EFEMP2: variants seen among roughly 807,000 people sequenced by gnomAD.
The protein encoded by EFEMP2 is EGF-like fibulin extracellular matrix protein 2, also known as EGF-containing fibulin-like extracellular matrix protein 2.
In EFEMP2, 21 loss-of-function variants were observed where a neutral mutation model predicts 55.3. The observed-to-expected ratio is 0.38, with a 90% CI of 0.27 to 0.55. The LOEUF is 0.55. Ranked by LOEUF, EFEMP2 falls within the 20% of genes least tolerant of loss-of-function variation. The pLI is 0.77. For synonymous variants in EFEMP2, 275 were observed against 242.3 expected (o/e 1.14, Z -1.25); for missense variants, 513 against 615.1 (o/e 0.83, Z 1.76).
chr11:65,871,134 GCAC>G lies in EFEMP2; in HGVS notation c.367+20_367+22del. 1 of 1,613,316 alleles carries G rather than the reference GCAC, an allele frequency of 6.2e-7. No individual in the cohort carries two copies. The highest frequency in any genetic ancestry group is 8.5e-7 in the Non-Finnish European group (1 of 1,179,586). ...GCCTGGTGAGAGGACTGGAAGCCAGGCACCAGAGCAGTCCCCACTCACCCACAC... is the reference window on the plus strand; with the variant it reads ...GCCTGGTGAGAGGACTGGAAGCCAGGCAGAGCAGTCCCCACTCACCCACAC... On this transcript the variant is annotated intron_variant, in intron 4 of 10. Transcript: ENST00000307998.
At position 65,869,891 on chromosome 11, in the gene EFEMP2, G is replaced by C. The variant is rs1296681736; in HGVS notation, c.693C>G (p.Gly231=). ...YGTFLCRCHQ[G]YELHRDGFSC... ...AGAAGCCATCCCGATGCAGCTCATA[G>C]CCCTGGTGGCAGCGACACAGGAAGG... Residue 231 remains glycine (G), a synonymous_variant, in exon 7 of 11, where the codon GGC becomes GGG. Coordinates refer to ENST00000307998, the MANE Select transcript of EFEMP2 (RefSeq NM_016938.5). 1.2e-6 allele frequency: 2 copies of C among 1,613,986 alleles called. No individual in the cohort carries two copies. Among genetic ancestry groups the C allele is most frequent in the Non-Finnish European group, 1.7e-6 (2 of 1,180,040 alleles).
chr11:65,872,518 TC>T, intron 1 of EFEMP2, 157 bp from the exon 2 acceptor site: 1 of 552,784 alleles, frequency 1.8e-6, no homozygotes. Context: ...CAGGCCCAGG[TC>T]CCAGGCCCGG....
intron 1 of EFEMP2, 25 bp downstream of exon 1, chr11:65,872,658 C>T: frequency 3.1e-6 from 1 of 319,820 alleles, no homozygotes; most frequent in Non-Finnish European, 6.0e-6. Context: ...CACGCCCTCC[C>T]CCACGGACGG....
chr11:65,868,496 C>T lies in EFEMP2; in HGVS notation c.847+14G>A, dbSNP rs765251023. The T allele has an allele frequency of 6.8e-6, 11 of 1,613,786 alleles. No individual in the cohort carries two copies. The highest frequency in any genetic ancestry group is 4.5e-5 in the East Asian group (2 of 44,900). On this transcript the variant is annotated intron_variant, in intron 8 of 10. Coordinates refer to ENST00000307998, the MANE Select transcript of EFEMP2 (RefSeq NM_016938.5). ...CTGACACCGTCCTGCCCATCCCACC[C>T]GGGCAACCTGTACCTTGGCAGAGGC...
chr11:65,869,871 C>G lies in EFEMP2; in HGVS notation c.713G>C (p.Gly238Ala). The change falls in exon 7 of 11, where the codon GGC becomes GCC. Residue 238 changes from glycine (G) to alanine (A), a missense_variant. Coordinates refer to ENST00000307998, the MANE Select transcript of EFEMP2 (RefSeq NM_016938.5). ...GGAGCTCTCACCACTGCAGGAGAAGCCATCCCGATGCAGCTCATAGCCCTG... is the reference window on the plus strand; with the variant it reads ...GGAGCTCTCACCACTGCAGGAGAAGGCATCCCGATGCAGCTCATAGCCCTG... ...CHQGYELHRDGFSCSDIDECS... is the reference protein window; with the variant it reads ...CHQGYELHRDAFSCSDIDECS... 1 of 1,614,022 alleles carries G rather than the reference C, an allele frequency of 6.2e-7. No individual in the cohort carries two copies. The highest frequency in any genetic ancestry group is 8.5e-7 in the Non-Finnish European group (1 of 1,180,008).
At chr11:65,867,714 C>A in intron 10 of EFEMP2, 147 bp downstream of exon 10, 2 of 813,850 alleles carry the variant, frequency 2.5e-6, no homozygotes, top group South Asian at 2.8e-5. Flanking sequence ...ATTTAGAGTA[C>A]CCCCGTCTTC....
Position 65,869,878 on chromosome 11 carries a change from G to A in EFEMP2, c.706C>T (p.Arg236Trp), listed in dbSNP as rs768601120. 19 of 1,613,930 alleles carry A rather than the reference G, an allele frequency of 1.2e-5. No individual in the cohort carries two copies. Among genetic ancestry groups the A allele is most frequent in the East Asian group, 6.7e-5 (3 of 44,900 alleles). ...TCACCACTGCAGGAGAAGCCATCCC[G>A]ATGCAGCTCATAGCCCTGGTGGCAG... ...CRCHQGYELH[R>W]DGFSCSDIDE... The change falls in exon 7 of 11, where the codon CGG becomes TGG. Residue 236 changes from arginine to tryptophan, a missense_variant. By Grantham distance (101) the Arg-to-Trp change is moderately radical. Transcript: ENST00000307998.
Position 65,871,359 on chromosome 11 carries a change from G to A in EFEMP2, c.165C>T (p.Val55=). 2 of 1,614,154 alleles carry A rather than the reference G, an allele frequency of 1.2e-6. No individual in the cohort carries two copies. The highest frequency in any genetic ancestry group is 1.7e-6 in the Non-Finnish European group (2 of 1,179,986). The change falls in exon 4 of 11, where the codon GTC becomes GTT. Residue 55 remains valine, a synonymous_variant. Coordinates refer to ENST00000307998, the MANE Select transcript of EFEMP2 (RefSeq NM_016938.5). ...CCTCAGGGATGGTCAGACACTCGTT[G>A]ACATCTGCAGAGAGGGGCCTGCTGG... is the stretch of plus-strand genomic sequence containing the variant. The part of the protein sequence containing the change: ...WDPDSQHCRD[V]NECLTIPEAC...
intron 5 of EFEMP2, 74 bp from the exon 6 acceptor site, chr11:65,870,311 T>C: frequency 2.0e-6 from 3 of 1,499,940 alleles, no homozygotes; most frequent in Non-Finnish European, 2.8e-6. Context: ...CGGCTGGGAC[T>C]CAAGGCTTCA....
Position 65,872,757 on chromosome 11 carries a change from A to G in EFEMP2, c.-82T>C, listed in dbSNP as rs1280845930. 3.0e-6 allele frequency: 1 copy of G among 329,960 alleles called. No homozygotes were observed. The highest frequency in any genetic ancestry group is 6.2e-6 in the Non-Finnish European group (1 of 160,892). The allele number at this position is 329,960 out of a possible 1,614,324, so 20.4% of individuals were successfully genotyped here. On this transcript the variant is annotated 5_prime_UTR_variant, in exon 1 of 11. Transcript: ENST00000307998. ...TCGGGCAATGCCTGCGGGCAGACGG[A>G]CGGGCGGACGGCACAGCTCCCTGGA...
At position 65,866,569 on chromosome 11, in the gene EFEMP2, T is replaced by C. The variant is rs1043362093; in HGVS notation, c.*349A>G. On this transcript the variant is annotated 3_prime_UTR_variant, in exon 11 of 11. Transcript: ENST00000307998. ...CTCCTGGCGCTGTCCAGAGTGGAGT[T>C]TCTTAGGACCCCTGCAAGCCAGCCA... is the stretch of plus-strand genomic sequence containing the variant. The C allele has an allele frequency of 1.3e-5, 9 of 702,630 alleles. No homozygotes were observed. The African/African-American group carries it at 1.4e-4, about 11-fold the overall frequency. 43.5% of individuals were successfully genotyped at this position (702,630 alleles called of 1,614,324 possible). A position where few individuals can be genotyped will look rare whatever the true frequency, so the allele number is the denominator to read the frequency against.
chr11:65,867,563 T>C, intron 10 of EFEMP2: 1 of 487,018 alleles, frequency 2.1e-6, no homozygotes, highest in South Asian at 2.1e-5. Context: ...AGGAGTGGAC[T>C]TTCTGACCCC....
At chr11:65,869,621 C>T (rs1317380610) in intron 7 of EFEMP2, 1 of 587,636 alleles carries the variant, frequency 1.7e-6, no homozygotes, top group Non-Finnish European at 3.0e-6. Context: ...ACAGGTGGCA[C>T]CCACATCCTC....
Position 65,868,393 on chromosome 11 carries a change from G to T in EFEMP2, c.876C>A (p.His292Gln). 1 of 1,613,918 alleles carries T rather than the reference G, an allele frequency of 6.2e-7. No homozygotes were observed. Among genetic ancestry groups the T allele is most frequent in the South Asian group, 1.1e-5 (1 of 91,086 alleles). ...QDIDECESGA[H>Q]QCSEAQTCVN... ...CACAGGTTTGGGCCTCGGAGCACTGGTGCGCACCAGACTCACACTCATCAA... is the reference window on the plus strand; with the variant it reads ...CACAGGTTTGGGCCTCGGAGCACTGTTGCGCACCAGACTCACACTCATCAA... The change falls in exon 9 of 11, where the codon CAC (histidine) becomes CAA (glutamine). Residue 292 changes from histidine to glutamine, a missense_variant. Physicochemically the swap from His to Gln is conservative, Grantham distance 24 (BLOSUM62 0). Transcript: ENST00000307998.
chr11:65,867,719 G>T, intron 10 of EFEMP2, 142 bp downstream of exon 10: 5 of 865,432 alleles, frequency 5.8e-6, no homozygotes, highest in Non-Finnish European at 9.4e-6. Flanking sequence ...GAGTACCCCC[G>T]TCTTCCTGCA....
chr11:65,870,125 A>G lies in EFEMP2; in HGVS notation c.603T>C (p.Cys201=). The G allele has an allele frequency of 2.5e-6, 4 of 1,613,612 alleles. No individual in the cohort carries two copies. The highest frequency in any genetic ancestry group is 3.4e-6 in the Non-Finnish European group (4 of 1,179,936). Residue 201 remains cysteine, a synonymous_variant, in exon 6 of 11, where the codon TGT becomes TGC. Transcript: ENST00000307998. ...CCTGGCCCAGCCCAGCCTCACCAAC[A>G]CAGGAGCGGTTGTTAGGCCCCAGCT... The part of the protein sequence containing the change: ...GFQLGPNNRS[C]VDVNECDMGA...
In EFEMP2 at chr11:65,868,366, G is replaced by T; in HGVS notation, c.903C>A (p.Val301=). ...AHQCSEAQTC[V]NFHGGYRCVD... is the part of the protein sequence containing the mutation. ...CGCAGCGGTAGCCCCCATGGAAGTT[G>T]ACACAGGTTTGGGCCTCGGAGCACT... The change falls in exon 9 of 11, where the codon GTC becomes GTA. Residue 301 remains valine, a synonymous_variant. Coordinates refer to ENST00000307998, the MANE Select transcript of EFEMP2 (RefSeq NM_016938.5). 1 of 1,613,954 alleles carries T rather than the reference G, an allele frequency of 6.2e-7. No homozygotes were observed. Among genetic ancestry groups the T allele is most frequent in the South Asian group, 1.1e-5 (1 of 91,068 alleles).
intron 9 of EFEMP2, 26 bp downstream of exon 9, chr11:65,868,269 G>T: frequency 1.2e-6 from 2 of 1,613,108 alleles, no homozygotes; most frequent in South Asian, 1.1e-5. Context: ...TAGTTTCTGT[G>T]GGGGCCTGGC....
In EFEMP2 at chr11:65,871,351, C is replaced by T. The variant is rs1859962684; in HGVS notation, c.173G>A (p.Cys58Tyr). ...DSQHCRDVNE[C>Y]LTIPEACKGE... ...CTTGCAGGCCTCAGGGATGGTCAGA[C>T]ACTCGTTGACATCTGCAGAGAGGGG... is the stretch of plus-strand genomic sequence containing the variant. Residue 58 changes from cysteine to tyrosine, a missense_variant, in exon 4 of 11, where the codon TGT becomes TAT. Transcript: ENST00000307998. The T allele has an allele frequency of 1.2e-6, 2 of 1,614,064 alleles. No homozygotes were observed. The highest frequency in any genetic ancestry group is 1.7e-5 in the Admixed American group (1 of 60,012).
Sources: allele counts gnomAD v4.1 joint callset, GRCh38; gene constraint gnomAD v4.1.1; transcripts MANE v1.5; gene names NCBI Gene and HGNC (gene_info 2026-07-23, HGNC 2026-07-21).